Variants in LRRC38 observed in about 807,000 individuals in gnomAD.
LRRC38 encodes leucine-rich repeat-containing protein 38.
LRRC38 carries 5 observed loss-of-function variants against 16.4 expected under a neutral mutation model. The ratio of observed to expected loss-of-function variants is 0.31; its 90% CI spans 0.16 to 0.64. The LOEUF (loss-of-function observed/expected upper bound fraction) is 0.64, where lower values mean the gene tolerates loss of function less well. LRRC38 is among the 30% of genes least tolerant of loss of function. LRRC38 has a pLI of 0.80. For missense variants in LRRC38, 341 were observed against 401.8 expected, an observed-to-expected ratio of 0.85 and a Z score of 1.29; for synonymous variants, 191 against 190.2, an observed-to-expected ratio of 1.00 and a Z score of -0.04.
In LRRC38 at chr1:13,513,619, G is replaced by GGGCC. The variant is rs2100532789; in HGVS notation, c.-27_-26insGGCC. 9.4e-7 allele frequency: 1 copy of GGGCC among 1,064,880 alleles called. No homozygotes were observed. The highest frequency in any genetic ancestry group is 7.4e-5 in the East Asian group (1 of 13,570). 66.0% of individuals were successfully genotyped at this position (1,064,880 alleles called of 1,614,324 possible). On this transcript the variant is annotated 5_prime_UTR_variant, in exon 1 of 2. Transcript: ENST00000376085. ...GGCCGGGGGGCCCGCGCCGGCCGCG[G>GGGCC]CGAGAAGGAAGCGGCTCTCGGAGCG...
chr1:13,480,780 T>C (rs1473220104), intron 1 of LRRC38, among the ~76,000 whole-genome samples: 1 of 152,288 alleles, frequency 6.6e-6, no homozygotes, highest in East Asian at 1.9e-4. Context: ...CATGTGGAAC[T>C]GTGAGTCCAT....
intron 1 of LRRC38, among the ~76,000 whole-genome samples, chr1:13,501,706 G>A (rs1569933462): frequency 6.7e-6 from 1 of 149,496 alleles, no homozygotes; most frequent in Non-Finnish European, 1.5e-5. Context: ...CAATTCTCCT[G>A]CCTCAGCCTC....
In LRRC38 at chr1:13,513,698, A is replaced by T. The variant is rs1639305025; in HGVS notation, c.-105T>A. The T allele has an allele frequency of 2.7e-6, 2 of 753,626 alleles. No homozygotes were observed. The highest frequency in any genetic ancestry group is 1.2e-4 in the South Asian group (2 of 16,904). 46.7% of individuals were successfully genotyped at this position (753,626 alleles called of 1,614,324 possible). ...CACTGGCTGCCGGGCGCGGGGAGCC[A>T]GAGGGCGGCCCGGGCGGGGAGGGCG... On this transcript the variant is annotated 5_prime_UTR_variant, in exon 1 of 2. Coordinates refer to ENST00000376085, the MANE Select transcript of LRRC38 (RefSeq NM_001010847.2).
chr1:13,513,736 T>G lies in LRRC38; in HGVS notation c.-143A>C. On this transcript the variant is annotated 5_prime_UTR_variant, in exon 1 of 2. Transcript: ENST00000376085. ...GGCGGGGAGGGCGTGCGCCCGGGCG[T>G]GCGGGGGCGATGGAGCGCGGCGCGG... 4.7e-6 allele frequency: 1 copy of G among 214,350 alleles called. No homozygotes were observed. Among genetic ancestry groups the G allele is most frequent in the South Asian group, 2.0e-4 (1 of 4,992 alleles). 13.3% of individuals were successfully genotyped at this position (214,350 alleles called of 1,614,324 possible). A position where few individuals can be genotyped will look rare whatever the true frequency, so the allele number is the denominator to read the frequency against.
intron 1 of LRRC38, among the ~76,000 whole-genome samples, chr1:13,478,298 C>T (rs1026515487): frequency 2.0e-5 from 3 of 152,182 alleles, no homozygotes; most frequent in Admixed American, 1.3e-4. Context: ...AATCACTACA[C>T]ACGTTTTTAC....
chr1:13,489,738 T>G (rs1270043567), intron 1 of LRRC38, among the ~76,000 whole-genome samples: 2 of 152,194 alleles, frequency 1.3e-5, no homozygotes, highest in African/African-American at 2.4e-5. Context: ...TTTCTGATAG[T>G]GCTGACCTGT....
intron 1 of LRRC38, among the ~76,000 whole-genome samples, chr1:13,483,424 C>T (rs185767481): frequency 1.8e-3 from 269 of 152,300 alleles, no homozygotes; most frequent in African/African-American, 5.9e-3. Context: ...GCTGGGATTA[C>T]AGGCGTGAGC....
intron 1 of LRRC38, among the ~76,000 whole-genome samples, chr1:13,490,615 A>G (rs991527062): frequency 6.6e-6 from 1 of 151,968 alleles, no homozygotes; most frequent in African/African-American, 2.4e-5. Context: ...TCCAAAATAA[A>G]CACTTCCTAT....
chr1:13,503,298 A>T (rs1443305066), intron 1 of LRRC38, among the ~76,000 whole-genome samples: 1 of 151,904 alleles, frequency 6.6e-6, no homozygotes, highest in Non-Finnish European at 1.5e-5. Flanking sequence ...AGACAGTCTC[A>T]CTCTGTCACC....
rs558527248 is a variant in LRRC38 at position 13,492,698 on chromosome 1, C to A, written c.632-16599G>T. 2.0e-4 allele frequency among the ~76,000 whole-genome samples: 31 copies of A among 151,694 alleles called. No individual in the cohort carries two copies. The East Asian group carries it at 5.8e-3, about 28-fold the overall frequency. On this transcript the variant is annotated intron_variant, in intron 1 of 1. Transcript: ENST00000376085. ...GCCTGGGTGACAGAGTGAGACTCCA[C>A]CTCAAAAAAGAAAAAAAAAAGGACT...
At chr1:13,476,386 T>C (rs966134618) in intron 1 of LRRC38, among the ~76,000 whole-genome samples, 1 of 152,278 alleles carries the variant, frequency 6.6e-6, no homozygotes, top group African/African-American at 2.4e-5. Flanking sequence ...CTAGGCAACA[T>C]GGCGTGATCT....
chr1:13,492,777 T>C (rs539360668), intron 1 of LRRC38, among the ~76,000 whole-genome samples: 1 of 152,308 alleles, frequency 6.6e-6, no homozygotes, highest in East Asian at 1.9e-4. Context: ...CTTCTCTTAC[T>C]CATCCAGGAC....
At chr1:13,478,547 C>T (rs1346509303) in intron 1 of LRRC38, among the ~76,000 whole-genome samples, 1 of 152,236 alleles carries the variant, frequency 6.6e-6, no homozygotes, top group Non-Finnish European at 1.5e-5. Flanking sequence ...GCTCAACTGC[C>T]TTCAGCCTCT....
chr1:13,484,252 T>A (rs1449912120), intron 1 of LRRC38, among the ~76,000 whole-genome samples: 2 of 152,088 alleles, frequency 1.3e-5, no homozygotes. Flanking sequence ...CTGCCTCCAT[T>A]CAAAGCAGCC....
At chr1:13,506,684 CCT>C (rs1333883113) in intron 1 of LRRC38, among the ~76,000 whole-genome samples, 5 of 152,208 alleles carry the variant, frequency 3.3e-5, no homozygotes, top group African/African-American at 1.2e-4. Context: ...GTCCTGAACT[CCT>C]GACTTCAGGT....
chr1:13,498,027 C>T (rs538530862), intron 1 of LRRC38, among the ~76,000 whole-genome samples: 4 of 148,700 alleles, frequency 2.7e-5, no homozygotes, highest in Non-Finnish European at 4.4e-5. Context: ...TATCCAAGTT[C>T]ATCTCATCTG....
intron 1 of LRRC38, among the ~76,000 whole-genome samples, chr1:13,489,144 C>T (rs979738339): frequency 1.3e-5 from 2 of 152,240 alleles, no homozygotes; most frequent in Admixed American, 1.3e-4. Flanking sequence ...AGAGGAAGGA[C>T]AAACATGGAA....
intron 1 of LRRC38, among the ~76,000 whole-genome samples, chr1:13,510,831 C>T (rs1639266026): frequency 6.6e-6 from 1 of 152,162 alleles, no homozygotes. Flanking sequence ...CAGGGACTTG[C>T]CTAAGATTAT....
chr1:13,513,602 G>A lies in LRRC38; in HGVS notation c.-9C>T. The stretch of plus-strand genomic sequence containing the variant: ...GGGGCTCGGGGGCGCATGGCCGGGG[G>A]GCCCGCGCCGGCCGCGGCGAGAAGG... On this transcript the variant is annotated 5_prime_UTR_variant, in exon 1 of 2. Transcript: ENST00000376085. The A allele has an allele frequency of 3.7e-6, 4 of 1,085,138 alleles. No homozygotes were observed. Among genetic ancestry groups the A allele is most frequent in the Non-Finnish European group, 3.3e-6 (3 of 896,164 alleles). The allele number at this position is 1,085,138 out of a possible 1,614,324, so 67.2% of individuals were successfully genotyped here. A position where few individuals can be genotyped will look rare whatever the true frequency, so the allele number is the denominator to read the frequency against.
Sources: allele counts gnomAD v4.1 joint callset (sites outside exome capture counted in the v4.1 genomes callset), GRCh38; gene constraint gnomAD v4.1.1; transcripts MANE v1.5; gene names NCBI Gene and HGNC (gene_info 2026-07-23, HGNC 2026-07-21).